Variants in DPEP1 observed in about 807,000 individuals in gnomAD.
The protein encoded by DPEP1 is dipeptidase 1.
DPEP1 carries 50 observed loss-of-function variants against 42.3 expected under a neutral mutation model. The ratio of observed to expected loss-of-function variants is 1.18; its 90% CI spans 0.94 to 1.50. The LOEUF (loss-of-function observed/expected upper bound fraction) is 1.50, where lower values mean the gene tolerates loss of function less well. Ranked by LOEUF, DPEP1 falls within the 40% of genes most tolerant of loss-of-function variation. The pLI is 0.00. For missense variants in DPEP1, 663 were observed against 553.0 expected, an observed-to-expected ratio of 1.20 and a Z score of -1.99; for synonymous variants, 297 against 234.0, an observed-to-expected ratio of 1.27 and a Z score of -2.46.
At chr16:89,629,451 G>C (rs190711231) in intron 1 of DPEP1, among the ~76,000 whole-genome samples, 22 of 152,064 alleles carry the variant, frequency 1.4e-4, no homozygotes, top group African/African-American at 5.3e-4. Flanking sequence ...GCAGTGAGCC[G>C]AGAGGGAGCC....
At chr16:89,622,287 C>T (rs2059454810) in intron 1 of DPEP1, among the ~76,000 whole-genome samples, 1 of 152,130 alleles carries the variant, frequency 6.6e-6, no homozygotes, top group African/African-American at 2.4e-5. Flanking sequence ...GGCAGGAGGG[C>T]CTGGGCAGGA....
chr16:89,636,690 G>A lies in DPEP1; in HGVS notation c.521+7G>A. On this transcript the variant is annotated splice_region_variant and intron_variant, in intron 5 of 10. Coordinates refer to ENST00000690203, the MANE Select transcript of DPEP1 (RefSeq NM_001389466.1). Reference sequence around the variant, plus strand: ...ACAGCTGCAACACGCCCTGGTGCGTGACTCCCCATGGGAGGCCCCCGGGCT... The same window carrying A: ...ACAGCTGCAACACGCCCTGGTGCGTAACTCCCCATGGGAGGCCCCCGGGCT... The A allele has an allele frequency of 6.2e-7, 1 of 1,612,048 alleles. No individual in the cohort carries two copies. Among genetic ancestry groups the A allele is most frequent in the Non-Finnish European group, 8.5e-7 (1 of 1,179,818 alleles).
intron 1 of DPEP1, among the ~76,000 whole-genome samples, chr16:89,621,929 G>A (rs556508005): frequency 1.6e-4 from 25 of 152,260 alleles, no homozygotes; most frequent in African/African-American, 5.3e-4. Flanking sequence ...GGTATCATCC[G>A]AAATGGCCAC....
At chr16:89,626,760 T>G (rs374725928) in intron 1 of DPEP1, among the ~76,000 whole-genome samples, 96 of 152,110 alleles carry the variant, frequency 6.3e-4, no homozygotes, top group African/African-American at 2.2e-3. Context: ...ATGATTGTAA[T>G]TTTCCTGAGG....
chr16:89,615,668 AC>A (rs1036583364), intron 1 of DPEP1, among the ~76,000 whole-genome samples: 1 of 151,976 alleles, frequency 6.6e-6, no homozygotes, highest in African/African-American at 2.4e-5. Flanking sequence ...AGCCCCCAGG[AC>A]CCCGCCTTGC....
At chr16:89,616,671 A>T (rs1043522091) in intron 1 of DPEP1, among the ~76,000 whole-genome samples, 2 of 152,096 alleles carry the variant, frequency 1.3e-5, no homozygotes, top group African/African-American at 4.8e-5. Flanking sequence ...GCAGATTGGG[A>T]CGGCTGGGCC....
At chr16:89,625,451 C>G (rs1433819835) in intron 1 of DPEP1, among the ~76,000 whole-genome samples, 1 of 152,206 alleles carries the variant, frequency 6.6e-6, no homozygotes, top group Non-Finnish European at 1.5e-5. Flanking sequence ...AACCTCCCAA[C>G]TGGGATCCAG....
chr16:89,627,070 GCTAAAACGGTGAAAACTTGTCTCTA>G (rs2059523232), intron 1 of DPEP1, among the ~76,000 whole-genome samples: 2 of 149,376 alleles, frequency 1.3e-5, no homozygotes, highest in African/African-American at 2.5e-5. Context: ...GACCATCCTG[GCTAAAACGGTGAAAACTTGTCTCTA>G]CTAAAAAAAA....
chr16:89,638,031 C>T, intron 10 of DPEP1, 21 bp from the exon 11 acceptor site: 4 of 1,611,232 alleles, frequency 2.5e-6, no homozygotes, highest in Non-Finnish European at 3.4e-6. Flanking sequence ...GGCTGCCCCA[C>T]CCGTGTCTGT....
Position 89,630,522 on chromosome 16 carries a change from C to G in DPEP1, c.104+8C>G, listed in dbSNP as rs1208862227. 6.4e-7 allele frequency: 1 copy of G among 1,566,580 alleles called. No homozygotes were observed. Among genetic ancestry groups the G allele is most frequent in the Admixed American group, 1.8e-5 (1 of 56,370 alleles). ...CTCCCCTGTCATTGATGGGTGAGTG[C>G]TCACCTGAGCCAGGTGCTTAGGGAA... On this transcript the variant is annotated splice_region_variant and intron_variant, in intron 2 of 10. Coordinates refer to ENST00000690203, the MANE Select transcript of DPEP1 (RefSeq NM_001389466.1).
At chr16:89,623,521 T>C (rs1447329515) in intron 1 of DPEP1, among the ~76,000 whole-genome samples, 4 of 151,972 alleles carry the variant, frequency 2.6e-5, no homozygotes, top group South Asian at 2.1e-4. Flanking sequence ...GGGAGACGCG[T>C]CTGCATTCCG....
At chr16:89,635,847 C>A (rs142693284) in intron 2 of DPEP1, 61 bp from the exon 3 acceptor site, 5 of 1,522,608 alleles carry the variant, frequency 3.3e-6, no homozygotes, top group South Asian at 1.3e-5. Flanking sequence ...GCCAGGAGCT[C>A]GGAAGCCCCC....
intron 1 of DPEP1, among the ~76,000 whole-genome samples, chr16:89,626,888 C>T (rs961038185): frequency 1.3e-5 from 2 of 150,880 alleles, no homozygotes; most frequent in African/African-American, 2.4e-5. Context: ...GAGGCCGAGG[C>T]GGGTGGATCA....
intron 1 of DPEP1, among the ~76,000 whole-genome samples, chr16:89,614,341 G>A (rs956732590): frequency 2.0e-5 from 3 of 152,170 alleles, no homozygotes; most frequent in African/African-American, 7.2e-5. Context: ...CTTCCTCCAG[G>A]AAGAGTTCTC....
chr16:89,627,693 C>T (rs1472321260), intron 1 of DPEP1, among the ~76,000 whole-genome samples: 2 of 108,078 alleles, frequency 1.9e-5, no homozygotes, highest in Admixed American at 1.3e-4. Context: ...CGGAGTCTTG[C>T]TCTGCCACCC....
At chr16:89,631,375 G>A (rs1370114138) in intron 2 of DPEP1, among the ~76,000 whole-genome samples, 1 of 152,208 alleles carries the variant, frequency 6.6e-6, no homozygotes, top group Non-Finnish European at 1.5e-5. Context: ...GGGTCACCAT[G>A]GAGGCCTCCT....
chr16:89,622,801 A>C (rs1397432238), intron 1 of DPEP1, among the ~76,000 whole-genome samples: 1 of 150,000 alleles, frequency 6.7e-6, no homozygotes, highest in Non-Finnish European at 1.5e-5. Context: ...AAAAAAACAC[A>C]CTCGTCAGAC....
chr16:89,614,355 G>C (rs1450816603), intron 1 of DPEP1, among the ~76,000 whole-genome samples: 1 of 152,186 alleles, frequency 6.6e-6, no homozygotes, highest in East Asian at 1.9e-4. Context: ...AGTTCTCAGA[G>C]GCTGTGTGAG....
At chr16:89,638,491 G>T, downstream of DPEP1, 3 of 1,273,396 alleles carry the variant, frequency 2.4e-6, no homozygotes, top group Non-Finnish European at 2.0e-6. Context: ...TGTGAAAATG[G>T]CTCCTGGTTG....
Sources: gnomAD v4.1 joint callset for allele counts (sites outside exome capture counted in the v4.1 genomes callset) on GRCh38, gnomAD v4.1.1 for gene constraint, MANE v1.5 for transcripts, NCBI Gene and HGNC (gene_info 2026-07-23, HGNC 2026-07-21) for gene names.